The following ANXA4 variants were observed in gnomAD, a reference collection of about 807,000 sequenced individuals.
ANXA4 encodes annexin A4.
A neutral mutation model predicts 49.8 loss-of-function variants in ANXA4; 39 were observed. The ratio of observed to expected loss-of-function variants is 0.78; its 90% CI spans 0.61 to 1.02. The LOEUF is 1.02. ANXA4 is among the 50% of genes least tolerant of loss of function. ANXA4 has a pLI of 0.00. For synonymous variants in ANXA4, 134 were observed against 152.5 expected (o/e 0.88, Z 0.89); for missense variants, 360 against 410.1 (o/e 0.88, Z 1.05).
At chr2:69,684,803 T>C (rs1677727827) in intron 2 of ANXA4, among the ~76,000 whole-genome samples, 1 of 152,126 alleles carries the variant, frequency 6.6e-6, no homozygotes, top group Admixed American at 6.5e-5. Flanking sequence ...TGCTTCTAAC[T>C]TTCGGGACAA....
chr2:69,651,033 T>TTG (rs1250896165), intron 1 of ANXA4, among the ~76,000 whole-genome samples: 5 of 152,224 alleles, frequency 3.3e-5, no homozygotes, highest in African/African-American at 1.2e-4. Context: ...GAGTTTATAA[T>TTG]GTAGTAATTA....
At chr2:69,792,979 C>T (rs984254485) in intron 3 of ANXA4, among the ~76,000 whole-genome samples, 1 of 152,150 alleles carries the variant, frequency 6.6e-6, no homozygotes, top group African/African-American at 2.4e-5. Flanking sequence ...TATGGCCAGT[C>T]GCAATGGCTC....
intron 2 of ANXA4, among the ~76,000 whole-genome samples, chr2:69,707,460 C>A (rs1678534492): frequency 6.6e-6 from 1 of 152,158 alleles, no homozygotes; most frequent in Non-Finnish European, 1.5e-5. Context: ...TATTTTCTTT[C>A]CAAAGTAATT....
At chr2:69,743,475 C>T (rs1670485221) in intron 1 of ANXA4, among the ~76,000 whole-genome samples, 1 of 152,170 alleles carries the variant, frequency 6.6e-6, no homozygotes, top group Non-Finnish European at 1.5e-5. Context: ...GCCTTAGCCT[C>T]CCAAAGTGCT....
rs1263081565 is a variant in ANXA4, at chr2:69,827,072, T to C, written c.*1557T>C. The stretch of plus-strand genomic sequence containing the variant: ...CCCTCTGCTCTAAGTAGACCATTTA[T>C]ATTAAATATCATAAATGTATAAAGG... On this transcript the variant is annotated 3_prime_UTR_variant, in exon 13 of 13. Transcript: ENST00000394295. 1.3e-5 allele frequency: 2 copies of C among 152,250 alleles called. No individual in the cohort carries two copies. Among genetic ancestry groups the C allele is most frequent in the South Asian group, 2.1e-4 (1 of 4,832 alleles). 9.4% of individuals were successfully genotyped at this position (152,250 alleles called of 1,614,324 possible).
intron 2 of ANXA4, among the ~76,000 whole-genome samples, chr2:69,663,669 A>G (rs976939920): frequency 6.6e-6 from 1 of 152,118 alleles, no homozygotes; most frequent in Admixed American, 6.6e-5. Context: ...CCCTGTGTCA[A>G]TAAAAAAAGA....
chr2:69,738,833 C>T (rs531443827), upstream of ANXA4, among the ~76,000 whole-genome samples: 3 of 152,154 alleles, frequency 2.0e-5, no homozygotes, highest in Admixed American at 2.0e-4. Context: ...CAGACTGGCC[C>T]ATCTGCCAGC....
chr2:69,778,803 AG>A (rs1559181018), intron 1 of ANXA4, among the ~76,000 whole-genome samples: 7 of 137,998 alleles, frequency 5.1e-5, no homozygotes, highest in Non-Finnish European at 7.8e-5. Context: ...AAAAAAAAAA[AG>A]AGAAATCAGA....
intron 2 of ANXA4, among the ~76,000 whole-genome samples, chr2:69,692,706 A>C (rs563387180): frequency 6.6e-6 from 1 of 152,318 alleles, no homozygotes; most frequent in South Asian, 2.1e-4. Context: ...GGCCCAAAGG[A>C]TTTCCATAAA....
At chr2:69,696,142 C>G (rs1346647651) in intron 2 of ANXA4, among the ~76,000 whole-genome samples, 1 of 152,100 alleles carries the variant, frequency 6.6e-6, no homozygotes, top group Non-Finnish European at 1.5e-5. Flanking sequence ...AGCATTTTGC[C>G]CACAGGAGAA....
In ANXA4 at chr2:69,818,641, A is replaced by G. The variant is rs1418825498; in HGVS notation, c.671A>G (p.Gln224Arg). The G allele has an allele frequency of 2.5e-6, 4 of 1,611,964 alleles. No individual in the cohort carries two copies. Among genetic ancestry groups the G allele is most frequent in the Non-Finnish European group, 3.4e-6 (4 of 1,178,760 alleles). Residue 224 changes from glutamine (Q) to arginine (R), a missense_variant, in exon 10 of 13, where the codon CAG becomes CGG. Coordinates refer to ENST00000394295, the MANE Select transcript of ANXA4 (RefSeq NM_001153.5). ...AGGATATCACAGAAGGATATTGAAC[A>G]GAGTATTAAATCTGAAACATCTGGT... Reference protein sequence around the residue: ...YKRISQKDIEQSIKSETSGSF... With the variant: ...YKRISQKDIERSIKSETSGSF...
At chr2:69,707,143 G>C (rs1237133662) in intron 2 of ANXA4, among the ~76,000 whole-genome samples, 1 of 152,072 alleles carries the variant, frequency 6.6e-6, no homozygotes. Flanking sequence ...TCTGGTATAG[G>C]GTTATGCTAG....
chr2:69,733,611 T>G (rs1670163120), intron 3 of ANXA4, among the ~76,000 whole-genome samples: 1 of 140,204 alleles, frequency 7.1e-6, no homozygotes, highest in African/African-American at 3.1e-5. Context: ...AACCCTGTCT[T>G]AGAAAAAAAA....
intron 3 of ANXA4, among the ~76,000 whole-genome samples, chr2:69,800,623 T>C (rs1001997384): frequency 1.3e-5 from 2 of 152,166 alleles, no homozygotes; most frequent in African/African-American, 4.8e-5. Context: ...CGGGCAAAGC[T>C]TCTTGGAGGA....
At chr2:69,765,572 C>T (rs1003403960) in intron 1 of ANXA4, among the ~76,000 whole-genome samples, 5 of 152,258 alleles carry the variant, frequency 3.3e-5, no homozygotes, top group South Asian at 2.1e-4. Context: ...CTCACCAGTG[C>T]CCCCAATCAC....
At chr2:69,693,415 T>C (rs1678042080) in intron 2 of ANXA4, among the ~76,000 whole-genome samples, 1 of 152,100 alleles carries the variant, frequency 6.6e-6, no homozygotes, top group Admixed American at 6.5e-5. Flanking sequence ...ACAGGGGCCA[T>C]AAGCAGACAA....
intron 1 of ANXA4, among the ~76,000 whole-genome samples, chr2:69,756,245 C>G (rs559607684): frequency 6.6e-6 from 1 of 152,292 alleles, no homozygotes; most frequent in South Asian, 2.1e-4. Context: ...TTAATTGAAT[C>G]CTAACCCTTT....
At chr2:69,683,270 A>AC (rs1473575445) in intron 2 of ANXA4, among the ~76,000 whole-genome samples, 1 of 151,998 alleles carries the variant, frequency 6.6e-6, no homozygotes, top group East Asian at 1.9e-4. Flanking sequence ...TAATCTGCAG[A>AC]CCCTCCTACT....
intron 2 of ANXA4, among the ~76,000 whole-genome samples, chr2:69,662,985 T>TTTTC (rs1559054359): frequency 2.8e-5 from 4 of 141,698 alleles, no homozygotes; most frequent in African/African-American, 7.5e-5. Context: ...TCCTGGTTTT[T>TTTTC]CTTTTTCTTT....
Sources: allele counts gnomAD v4.1 joint callset (sites outside exome capture counted in the v4.1 genomes callset), GRCh38; gene constraint gnomAD v4.1.1; transcripts MANE v1.5; gene names NCBI Gene and HGNC (gene_info 2026-07-23, HGNC 2026-07-21).